NEGR1: variants seen among roughly 807,000 people sequenced by gnomAD.
The protein encoded by NEGR1 is IgLON family member 4.
In NEGR1, 10 loss-of-function variants were observed where a neutral mutation model predicts 40.9. The ratio of observed to expected loss-of-function variants is 0.24; its 90% confidence interval spans 0.15 to 0.42. The LOEUF (loss-of-function observed/expected upper bound fraction) is 0.42. Ranked by LOEUF, NEGR1 falls within the 10% of genes least tolerant of loss-of-function variation. The probability of loss-of-function intolerance (pLI) is 1.00; values close to 1 mark genes in which losing one functional copy is unlikely to be tolerated. For synonymous variants in NEGR1, 185 were observed against 166.8 expected (o/e 1.11, Z -0.84); for missense variants, 352 against 438.9 (o/e 0.80, Z 1.77).
Position 71,771,699 on chromosome 1 carries a change from C to CAAAAAAAAAAAA in NEGR1, c.535+4461_535+4472dup, listed in dbSNP as rs60830449. 4.1e-4 allele frequency among the ~76,000 whole-genome samples: 5 copies of CAAAAAAAAAAAA among 12,098 alleles called. 1 individual carries two copies. The highest frequency in any genetic ancestry group is 2.3e-4 in the African/African-American group (1 of 4,276). 7.9% of individuals were successfully genotyped at this position (12,098 alleles called of 152,430 possible). A position where few individuals can be genotyped will look rare whatever the true frequency, so the allele number is the denominator to read the frequency against. On this transcript the variant is annotated intron_variant, in intron 3 of 6. Coordinates refer to ENST00000357731, the MANE Select transcript of NEGR1 (RefSeq NM_173808.3). The stretch of plus-strand genomic sequence containing the variant: ...GGGTAACAAAAGCAAGACTTAGTCT[C>CAAAAAAAAAAAA]AAAAAAAAAAAAAAAAAAAAAAAGG...
chr1:71,894,246 A>G (rs1335542992), intron 2 of NEGR1, among the ~76,000 whole-genome samples: 1 of 151,848 alleles, frequency 6.6e-6, no homozygotes. Context: ...AAAGAAAAAA[A>G]AAAAAAGAAT....
chr1:72,006,818 C>T (rs1295870882), intron 1 of NEGR1, among the ~76,000 whole-genome samples: 1 of 152,098 alleles, frequency 6.6e-6, no homozygotes, highest in Non-Finnish European at 1.5e-5. Context: ...CTTAACAAGT[C>T]CCTTTGACCC....
chr1:71,896,335 T>C (rs550897391), intron 2 of NEGR1, among the ~76,000 whole-genome samples: 4 of 152,150 alleles, frequency 2.6e-5, no homozygotes, highest in Admixed American at 1.3e-4. Flanking sequence ...TGCTTGACTA[T>C]TTATATAGTT....
At chr1:71,970,191 T>C (rs1218414766) in intron 1 of NEGR1, among the ~76,000 whole-genome samples, 1 of 151,710 alleles carries the variant, frequency 6.6e-6, no homozygotes, top group African/African-American at 2.4e-5. Context: ...GGGAACAACA[T>C]AGGAGAAAGC....
intron 1 of NEGR1, among the ~76,000 whole-genome samples, chr1:72,260,663 A>G (rs539586594): frequency 4.5e-4 from 68 of 152,218 alleles, no homozygotes; most frequent in African/African-American, 1.6e-3. Context: ...TGCCCCAGTA[A>G]AATGGGCTAT....
intron 1 of NEGR1, among the ~76,000 whole-genome samples, chr1:72,017,846 C>G (rs1160128455): frequency 6.6e-6 from 1 of 151,974 alleles, no homozygotes; most frequent in Non-Finnish European, 1.5e-5. Flanking sequence ...AGATTGGTCT[C>G]AATAAGTTTA....
At chr1:72,222,185 C>A (rs541514567) in intron 1 of NEGR1, among the ~76,000 whole-genome samples, 3 of 152,212 alleles carry the variant, frequency 2.0e-5, no homozygotes, top group African/African-American at 7.2e-5. Flanking sequence ...GGCTTCAGGC[C>A]AGCCCCTGTG....
rs974275190 is a variant in NEGR1 at position 71,505,281 on chromosome 1, CTTTTTCTTTT to C, written c.940+87526_940+87535del. 1.6e-4 allele frequency among the ~76,000 whole-genome samples: 24 copies of C among 151,834 alleles called. No individual in the cohort carries two copies. In the South Asian group the frequency reaches 2.7e-3, roughly 17 times the overall value. ...GGTGCCTAGCCCCTACACCCTGTTT[CTTTTTCTTTT>C]TTTTTCTTTTTTTTGAGATGGAGTC... On this transcript the variant is annotated intron_variant, in intron 6 of 6. Transcript: ENST00000357731.
rs12078579 is a variant in NEGR1, at chr1:71,954,605, G to A, written c.177-19294C>T. ...GGAGAATCAGAAAAAAAGAGTTCAG[G>A]ATAATTCAAATATGTTATAAACTCA... On this transcript the variant is annotated intron_variant, in intron 1 of 6. Transcript: ENST00000357731. Among the ~76,000 whole-genome samples, 717 of 151,998 alleles carry A rather than the reference G, an allele frequency of 4.7e-3. 6 individuals are homozygous for A. Among genetic ancestry groups the A allele is most frequent in the African/African-American group, 0.017 (693 of 41,504 alleles).
At chr1:72,249,003 C>T (rs1219795473) in intron 1 of NEGR1, among the ~76,000 whole-genome samples, 1 of 152,168 alleles carries the variant, frequency 6.6e-6, no homozygotes, top group Non-Finnish European at 1.5e-5. Flanking sequence ...TTAAATATGA[C>T]ATATTGCTAG....
chr1:71,960,569 T>C (rs1646156657), intron 1 of NEGR1, among the ~76,000 whole-genome samples: 1 of 152,204 alleles, frequency 6.6e-6, no homozygotes, highest in African/African-American at 2.4e-5. Flanking sequence ...TAAAGTTTAA[T>C]CTTTAATGGC....
intron 2 of NEGR1, among the ~76,000 whole-genome samples, chr1:71,894,457 A>T (rs973717574): frequency 6.6e-6 from 1 of 152,182 alleles, no homozygotes; most frequent in South Asian, 2.1e-4. Context: ...GGCAAAAAGC[A>T]CTATAACAAA....
At chr1:71,496,807 A>G (rs1020868919) in intron 6 of NEGR1, among the ~76,000 whole-genome samples, 1 of 152,162 alleles carries the variant, frequency 6.6e-6, no homozygotes, top group Non-Finnish European at 1.5e-5. Context: ...TCCACCTGCT[A>G]GAGTTCTATG....
chr1:72,077,790 G>A (rs919021626), intron 1 of NEGR1, among the ~76,000 whole-genome samples: 1 of 151,994 alleles, frequency 6.6e-6, no homozygotes, highest in African/African-American at 2.4e-5. Flanking sequence ...TCCAGCAAGT[G>A]ATAGAGAGAG....
intron 3 of NEGR1, among the ~76,000 whole-genome samples, chr1:71,715,084 G>A (rs747688986): frequency 1.7e-4 from 26 of 152,292 alleles, no homozygotes; most frequent in African/African-American, 5.5e-4. Context: ...CCCAAACCTC[G>A]ATTCTTGACA....
Position 72,007,846 on chromosome 1 carries a change from A to G in NEGR1, c.177-72535T>C, listed in dbSNP as rs146290031. Among the ~76,000 whole-genome samples the G allele has an allele frequency of 3.6e-3, 552 of 152,266 alleles. 2 individuals are homozygous for G. Among genetic ancestry groups the G allele is most frequent in the African/African-American group, 0.013 (523 of 41,576 alleles). The stretch of plus-strand genomic sequence containing the variant: ...GTACATTAATACAATACTTTGCCTA[A>G]GGCCTACATCTTTTTATTTTCTTTG... On this transcript the variant is annotated intron_variant, in intron 1 of 6. Coordinates refer to ENST00000357731, the MANE Select transcript of NEGR1 (RefSeq NM_173808.3).
intron 2 of NEGR1, among the ~76,000 whole-genome samples, chr1:71,914,068 C>A (rs145726973): frequency 6.6e-6 from 1 of 152,158 alleles, no homozygotes; most frequent in African/African-American, 2.4e-5. Context: ...TGAGATATTT[C>A]TGGTCCTTGA....
chr1:71,946,953 C>T (rs6424452), intron 1 of NEGR1, among the ~76,000 whole-genome samples: 55,479 of 150,624 alleles, frequency 0.37, 10,711 homozygotes, highest in East Asian at 0.55. Flanking sequence ...TGGTGGTGTG[C>T]TCCTGTAGTC....
intron 1 of NEGR1, among the ~76,000 whole-genome samples, chr1:72,081,770 A>G (rs781623256): frequency 5.3e-5 from 8 of 152,094 alleles, no homozygotes; most frequent in Non-Finnish European, 1.0e-4. Context: ...TGAACCTAAA[A>G]GCAGCTCGCT....
Sources: gnomAD v4.1 joint callset for allele counts (sites outside exome capture counted in the v4.1 genomes callset) on GRCh38, gnomAD v4.1.1 for gene constraint, MANE v1.5 for transcripts, NCBI Gene and HGNC (gene_info 2026-07-23, HGNC 2026-07-21) for gene names.